MASTL: variants seen among roughly 807,000 people sequenced by gnomAD.
MASTL encodes microtubule associated serine/threonine kinase like, also known as serine/threonine-protein kinase greatwall.
A neutral mutation model predicts 82.5 loss-of-function variants in MASTL; 54 were observed. The ratio of observed to expected loss-of-function variants is 0.65; its 90% CI spans 0.53 to 0.82. MASTL has a LOEUF of 0.82. MASTL is among the 40% of genes least tolerant of loss of function. The probability of loss-of-function intolerance (pLI) is 0.00; values close to 1 mark genes in which losing one functional copy is unlikely to be tolerated. For missense variants in MASTL, 950 were observed against 1,047.8 expected (o/e 0.91, Z 1.29); for synonymous variants, 323 against 368.9 (o/e 0.88, Z 1.43).
At chr10:27,154,571 C>CTT, upstream of MASTL, 1 of 370,288 alleles carries the variant, frequency 2.7e-6, no homozygotes, top group Non-Finnish European at 4.8e-6. Context: ...ACTTTTTCTT[C>CTT]GTTTTTTTTT....
chr10:27,177,886 A>C, intron 9 of MASTL: 2 of 497,590 alleles, frequency 4.0e-6, no homozygotes, highest in Non-Finnish European at 5.2e-6. Context: ...TAACTAGATC[A>C]CATTGCATAA....
chr10:27,155,265 C>G, upstream of MASTL: 2 of 695,712 alleles, frequency 2.9e-6, no homozygotes, highest in East Asian at 2.7e-5. Context: ...GACGCCCCCT[C>G]CGTCCGCGTC....
In MASTL at chr10:27,161,441, G is replaced by A. The variant is rs141093933; in HGVS notation, c.553+259G>A. The stretch of plus-strand genomic sequence containing the variant: ...GGAGAATCACTTGAACCCAGGAGAT[G>A]GAGGTTGCAGTGAGCTGAGATCCCG... On this transcript the variant is annotated intron_variant, in intron 4 of 11. Transcript: ENST00000375940. Among the ~76,000 whole-genome samples the A allele has an allele frequency of 2.2e-3, 327 of 152,006 alleles. 3 individuals are homozygous for A. Among genetic ancestry groups the A allele is most frequent in the African/African-American group, 7.5e-3 (311 of 41,464 alleles).
chr10:27,170,672 A>C lies in MASTL; in HGVS notation c.1713A>C (p.Ser571=). 6.2e-7 allele frequency: 1 copy of C among 1,611,984 alleles called. No homozygotes were observed. Among genetic ancestry groups the C allele is most frequent in the Non-Finnish European group, 8.5e-7 (1 of 1,179,528 alleles). Residue 571 remains serine, a synonymous_variant, in exon 8 of 12, where the codon TCA becomes TCC. Coordinates refer to ENST00000375940, the MANE Select transcript of MASTL (RefSeq NM_001172303.3). ...ASKNISMNSD[S]SFPGISIMES... ...AAAATATTTCTATGAACTCTGATTC[A>C]TCTTTTCCTGGAATTTCTATAATGG...
chr10:27,173,084 A>T, intron 8 of MASTL, 34 bp from the exon 9 acceptor site: 1 of 1,613,070 alleles, frequency 6.2e-7, no homozygotes, highest in Non-Finnish European at 8.5e-7. Flanking sequence ...AGGAATTAAG[A>T]TATTTGTTAT....
intron 9 of MASTL, among the ~76,000 whole-genome samples, chr10:27,174,784 CATCTTAACCTA>C (rs1190473573): frequency 2.0e-5 from 3 of 151,626 alleles, no homozygotes; most frequent in South Asian, 2.1e-4. Context: ...AGTATGACCT[CATCTTAACCTA>C]ATCTTAACCT....
intron 7 of MASTL, among the ~76,000 whole-genome samples, chr10:27,169,336 G>T (rs962687380): frequency 6.6e-6 from 1 of 152,042 alleles, no homozygotes; most frequent in African/African-American, 2.4e-5. Flanking sequence ...GCCTAGGCAG[G>T]TGGATCACCT....
At chr10:27,166,163 TA>T (rs2057735636) in intron 6 of MASTL, among the ~76,000 whole-genome samples, 1 of 152,032 alleles carries the variant, frequency 6.6e-6, no homozygotes. Context: ...GCTGAGATCA[TA>T]CCACTGTACT....
At chr10:27,164,917 T>C in intron 4 of MASTL, 147 bp from the exon 5 acceptor site, 1 of 621,680 alleles carries the variant, frequency 1.6e-6, no homozygotes, top group Admixed American at 2.4e-5. Flanking sequence ...GCATTATAGG[T>C]GTGAGCCACC....
chr10:27,163,054 T>C (rs1224828019), intron 4 of MASTL, among the ~76,000 whole-genome samples: 7 of 151,972 alleles, frequency 4.6e-5, no homozygotes, highest in African/African-American at 1.7e-4. Context: ...GTAGCTGGGA[T>C]TATAGGTGCC....
At chr10:27,186,080 C>A (rs1256199588) in intron 11 of MASTL, among the ~76,000 whole-genome samples, 1 of 147,264 alleles carries the variant, frequency 6.8e-6, no homozygotes, top group Admixed American at 6.6e-5. Context: ...CGGAGCGAGA[C>A]CTCGTCTCAA....
At chr10:27,155,096 G>C (rs1464456088), upstream of MASTL, 1 of 321,176 alleles carries the variant, frequency 3.1e-6, no homozygotes, top group African/African-American at 2.2e-5. Context: ...GAAGCCAGGA[G>C]AAATCTCTTC....
At chr10:27,184,912 G>T (rs143804735) in intron 11 of MASTL, among the ~76,000 whole-genome samples, 2 of 152,132 alleles carry the variant, frequency 1.3e-5, no homozygotes, top group Non-Finnish European at 2.9e-5. Context: ...ACAATGACAG[G>T]TAATGAAATG....
In MASTL at chr10:27,155,411, T is replaced by C. The variant is rs760222625; in HGVS notation, c.-16T>C. On this transcript the variant is annotated 5_prime_UTR_variant, in exon 1 of 12. Transcript: ENST00000375940. ...GGAGGGGCAGTGTCTGCGGGGCCGC[T>C]GTATGCTGTCCAGCGATGGATCCCA... The C allele has an allele frequency of 4.2e-5, 67 of 1,595,918 alleles. 1 individual carries two copies. The South Asian group carries it at 6.5e-4, about 15-fold the overall frequency.
rs760479196 is a variant in MASTL at position 27,159,597 on chromosome 10, A to G, written c.325-22A>G. 6 of 1,444,000 alleles carry G rather than the reference A, an allele frequency of 4.2e-6. No homozygotes were observed. Among genetic ancestry groups the G allele is most frequent in the African/African-American group, 1.4e-5 (1 of 71,362 alleles). 89.4% of individuals were successfully genotyped at this position (1,444,000 alleles called of 1,614,324 possible). ...GTAATCATATTGTTTTTATTTCACA[A>G]TATTAAATTCTTTTTTGAAAGGTAA... On this transcript the variant is annotated intron_variant, in intron 2 of 11. Coordinates refer to ENST00000375940, the MANE Select transcript of MASTL (RefSeq NM_001172303.3). This position sits in a 1 kb window ranked among gnomAD's most constrained non-coding sequence, Gnocchi z 4.0.
At chr10:27,166,338 C>G (rs1415129529) in intron 6 of MASTL, among the ~76,000 whole-genome samples, 1 of 152,180 alleles carries the variant, frequency 6.6e-6, no homozygotes, top group Non-Finnish European at 1.5e-5. Flanking sequence ...GAATTAAATA[C>G]AAGTGTTAAA....
intron 1 of MASTL, among the ~76,000 whole-genome samples, chr10:27,155,968 C>T (rs2057353884): frequency 6.6e-6 from 1 of 152,194 alleles, no homozygotes; most frequent in Non-Finnish European, 1.5e-5. Context: ...AAAGCCAAAG[C>T]CGTGATTCGT....
rs11442040 is a variant in MASTL, at chr10:27,187,751, C to CAAAAAAAAAAAA, written c.*1218_*1229dup. On this transcript the variant is annotated 3_prime_UTR_variant, in exon 12 of 12. Coordinates refer to ENST00000375940, the MANE Select transcript of MASTL (RefSeq NM_001172303.3). ...TGGGCAACAGAATGAGACTCAGTCT[C>CAAAAAAAAAAAA]AAAAAAAAAAAAAATACTACTGGAA... Among the ~76,000 whole-genome samples the CAAAAAAAAAAAA allele has an allele frequency of 7.2e-6, 1 of 139,370 alleles. No individual in the cohort carries two copies. Among genetic ancestry groups the CAAAAAAAAAAAA allele is most frequent in the Non-Finnish European group, 1.6e-5 (1 of 64,066 alleles). The allele number at this position is 139,370 out of a possible 152,430, so 91.4% of individuals were successfully genotyped here.
chr10:27,174,008 C>T (rs1036680577), intron 9 of MASTL, among the ~76,000 whole-genome samples: 1 of 152,094 alleles, frequency 6.6e-6, no homozygotes, highest in Admixed American at 6.6e-5. Context: ...TATATCCTTA[C>T]CAGAAGAGTC....
Sources: gnomAD v4.1 joint callset for allele counts (sites outside exome capture counted in the v4.1 genomes callset) on GRCh38, gnomAD v4.1.1 for gene constraint, Gnocchi (gnomAD v3.1) non-coding constraint, MANE v1.5 for transcripts, NCBI Gene and HGNC (gene_info 2026-07-23, HGNC 2026-07-21) for gene names.